AHNAK2: variants seen among roughly 807,000 people sequenced by gnomAD.
AHNAK2 encodes the protein AHNAK nucleoprotein 2.
A neutral mutation model predicts 30.7 loss-of-function variants in AHNAK2; 18 were observed. The observed-to-expected ratio is 0.59, with a 90% confidence interval of 0.41 to 0.87. AHNAK2 has a LOEUF of 0.87. Among genes scored for constraint, AHNAK2 ranks in the 40% least tolerant of loss-of-function variants. The pLI, the probability that AHNAK2 is intolerant of heterozygous loss-of-function variation, is 0.00. For synonymous variants in AHNAK2, 3,590 were observed against 3,073.8 expected (o/e 1.17, Z -5.56); for missense variants, 8,604 against 7,373.0 (o/e 1.17, Z -6.11).
rs558421208 is a variant in AHNAK2 at position 104,945,641 on chromosome 14, A to G, written c.9810T>C (p.Ser3270=). Residue 3270 remains serine (S), a synonymous_variant, in exon 7 of 7, where the codon TCT becomes TCC. Transcript: ENST00000333244. ...CGACGTCCACCTCCATGCTGGGCTG[A>G]GACACCTCCACGTCGGGGGCCGTCA... ...MDVTAPDVEV[S]QPSMEVDVEA... 6.4e-7 allele frequency: 1 copy of G among 1,570,468 alleles called. No individual in the cohort carries two copies. The highest frequency in any genetic ancestry group is 8.7e-7 in the Non-Finnish European group (1 of 1,150,272).
Position 104,949,937 on chromosome 14 carries a change from T to A in AHNAK2, c.5514A>T (p.Pro1838=), listed in dbSNP as rs370377836. The A allele has an allele frequency of 4.2e-5, 66 of 1,589,010 alleles. 4 individuals are homozygous for A. The highest frequency in any genetic ancestry group is 3.9e-4 in the African/African-American group (28 of 72,534). ...FKMPSFGVSA[P]GKSIEASVDV... ...CCACCGAGGCCTCGATGGACTTGCC[T>A]GGGGCAGACACCCCGAACGACGGCA... Residue 1838 remains proline, a synonymous_variant, in exon 7 of 7, where the codon CCA becomes CCT. Transcript: ENST00000333244.
At position 104,940,269 on chromosome 14, in the gene AHNAK2, G is replaced by A. The variant is rs1897938220; in HGVS notation, c.15182C>T (p.Thr5061Ile). 1 of 1,613,546 alleles carries A rather than the reference G, an allele frequency of 6.2e-7. No individual in the cohort carries two copies. The highest frequency in any genetic ancestry group is 1.3e-5 in the African/African-American group (1 of 74,932). The stretch of plus-strand genomic sequence containing the variant: ...ACCACCGTCACTGCTGGCCTTTTCT[G>A]TGTCTTGAAAGCTACCCCCTGCTGT... ...SATAGGSFQD[T>I]EKASSDGGRG... Residue 5061 changes from threonine to isoleucine, a missense_variant, in exon 7 of 7, where the codon ACA (threonine) becomes ATA (isoleucine). Physicochemically the swap from Thr to Ile is moderately conservative, Grantham distance 89. Transcript: ENST00000333244. This position sits in a 1 kb window ranked among gnomAD's most constrained non-coding sequence, Gnocchi z 4.4.
At position 104,950,146 on chromosome 14, in the gene AHNAK2, C is replaced by A. The variant is rs191244201; in HGVS notation, c.5305G>T (p.Asp1769Tyr). The A allele has an allele frequency of 3.9e-4, 624 of 1,586,656 alleles. 73 individuals are homozygous for A. The highest frequency in any genetic ancestry group is 4.9e-4 in the Non-Finnish European group (571 of 1,163,030). ...ACCTCCGCCTTGGGGCCTTTCAGGT[C>A]CAGCTTGGGGCCCTTGACGTCCATC... ...PQMDVKGPKL[D>Y]LKGPKAEVMA... Residue 1769 changes from aspartate to tyrosine, a missense_variant, in exon 7 of 7, where the codon GAC becomes TAC. Asp to Tyr is a radical substitution (Grantham distance 160, BLOSUM62 -3). Transcript: ENST00000333244.
Position 104,949,545 on chromosome 14 carries a change from C to T in AHNAK2, c.5906G>A (p.Arg1969Gln), listed in dbSNP as rs200046026. The T allele has an allele frequency of 1.7e-4, 270 of 1,586,396 alleles. 37 individuals are homozygous for T. In the Admixed American group the frequency reaches 2.9e-3, roughly 17 times the overall value. ...QAQKAKLDGA[R>Q]LEGDLSLADK... Reference sequence around the variant, plus strand: ...GGCCAGGGACAGGTCTCCCTCCAGCCGCGCACCATCCAGCTTAGCCTTCTG... The same window carrying T: ...GGCCAGGGACAGGTCTCCCTCCAGCTGCGCACCATCCAGCTTAGCCTTCTG... Residue 1969 changes from arginine to glutamine, a missense_variant, in exon 7 of 7, where the codon CGG becomes CAG. Transcript: ENST00000333244.
In AHNAK2 at chr14:104,950,235, C is replaced by T. The variant is rs1340907996; in HGVS notation, c.5216G>A (p.Gly1739Glu). 14 of 1,585,370 alleles carry T rather than the reference C, an allele frequency of 8.8e-6. 2 individuals are homozygous for T. Among genetic ancestry groups the T allele is most frequent in the African/African-American group, 5.6e-5 (4 of 71,742 alleles). ...GPLPEGAGFKGHLPKVQMPSL... is the reference protein window; with the variant it reads ...GPLPEGAGFKEHLPKVQMPSL... ...GGGCATCTGCACCTTGGGGAGGTGCCCTTTGAAGCCGGCTCCCTCGGGAAG... is the reference window on the plus strand; with the variant it reads ...GGGCATCTGCACCTTGGGGAGGTGCTCTTTGAAGCCGGCTCCCTCGGGAAG... The change falls in exon 7 of 7, where the codon GGG becomes GAG. Residue 1739 changes from glycine (G) to glutamate (E), a missense_variant. Gly to Glu is a moderately conservative substitution (Grantham distance 98). Transcript: ENST00000333244.
At chr14:104,970,621 A>T in intron 1 of AHNAK2, 1 of 686,386 alleles carries the variant, frequency 1.5e-6, no homozygotes, top group Non-Finnish European at 1.8e-6. Flanking sequence ...CCCACATCCC[A>T]CCAGAGGGAG....
intron 1 of AHNAK2, among the ~76,000 whole-genome samples, chr14:104,964,777 C>T (rs1261213194): frequency 6.6e-6 from 1 of 152,256 alleles, no homozygotes; most frequent in Non-Finnish European, 1.5e-5. Context: ...CCAGGGGGAG[C>T]AGGCAGACAG....
Position 104,937,710 on chromosome 14 carries a change from G to T in AHNAK2, c.*353C>A, listed in dbSNP as rs1195058838. On this transcript the variant is annotated 3_prime_UTR_variant, in exon 7 of 7. Transcript: ENST00000333244. The stretch of plus-strand genomic sequence containing the variant: ...CAGACATTATAACCCTTTCCTCAAA[G>T]AAACAGTCATGTTCTGTTGGGTATT... 8.7e-6 allele frequency: 2 copies of T among 229,804 alleles called. No individual in the cohort carries two copies. The highest frequency in any genetic ancestry group is 5.1e-5 in the Admixed American group (1 of 19,710). 14.2% of individuals were successfully genotyped at this position (229,804 alleles called of 1,614,324 possible).
rs772629758 is a variant in AHNAK2, at chr14:104,944,790, C to A, written c.10661G>T (p.Gly3554Val). ...GPVPEGAGLKGHLPKVEMPSL... is the reference protein window; with the variant it reads ...GPVPEGAGLKVHLPKVEMPSL... Reference sequence around the variant, plus strand: ...GGGCATCTCCACTTTGGGCAGGTGCCCTTTGAGGCCGGCTCCCTCGGGCAC... The same window carrying A: ...GGGCATCTCCACTTTGGGCAGGTGCACTTTGAGGCCGGCTCCCTCGGGCAC... Residue 3554 changes from glycine to valine, a missense_variant, in exon 7 of 7, where the codon GGG becomes GTG. Transcript: ENST00000333244. 9.3e-6 allele frequency: 15 copies of A among 1,610,186 alleles called. No homozygotes were observed. In the African/African-American group the frequency reaches 1.4e-4, roughly 15 times the overall value.
chr14:104,960,023 A>T (rs1899091145), intron 1 of AHNAK2, among the ~76,000 whole-genome samples: 1 of 152,242 alleles, frequency 6.6e-6, no homozygotes, highest in Non-Finnish European at 1.5e-5. Flanking sequence ...AAGCAGCTAT[A>T]GATTATAGAT....
At chr14:104,976,344 G>A (rs775699577) in intron 1 of AHNAK2, among the ~76,000 whole-genome samples, 1 of 152,212 alleles carries the variant, frequency 6.6e-6, no homozygotes, top group Non-Finnish European at 1.5e-5. Flanking sequence ...CTGGTGCCTG[G>A]TGTGTCGGGC....
rs1898428556 is a variant in AHNAK2, at chr14:104,948,385, A to T, written c.7066T>A (p.Ser2356Thr). 1.2e-6 allele frequency: 2 copies of T among 1,612,220 alleles called. No homozygotes were observed. Among genetic ancestry groups the T allele is most frequent in the East Asian group, 4.5e-5 (2 of 44,694 alleles). Residue 2356 changes from serine to threonine, a missense_variant, in exon 7 of 7, where the codon TCC becomes ACC. Coordinates refer to ENST00000333244, the MANE Select transcript of AHNAK2 (RefSeq NM_138420.4). ...LKVEADVSLP[S>T]MQGDLKTTDL... ...GTGGTCTTGAGGTCCCCCTGCATGGAGGGGAGGCTCACGTCGGCCTCCACC... is the reference window on the plus strand; with the variant it reads ...GTGGTCTTGAGGTCCCCCTGCATGGTGGGGAGGCTCACGTCGGCCTCCACC...
Position 104,941,185 on chromosome 14 carries a change from A to T in AHNAK2, c.14266T>A (p.Ser4756Thr). Reference sequence around the variant, plus strand: ...AAACCCACCTTAGGCATCTGCATGGATGGCTCTGAACAAGCCGAAACCTGT... The same window carrying T: ...AAACCCACCTTAGGCATCTGCATGGTTGGCTCTGAACAAGCCGAAACCTGT... ...LQQVSACSEP[S>T]MQMPKVGFAG... Residue 4756 changes from serine to threonine, a missense_variant, in exon 7 of 7, where the codon TCC becomes ACC. Transcript: ENST00000333244. 6.2e-7 allele frequency: 1 copy of T among 1,613,644 alleles called. No individual in the cohort carries two copies. The highest frequency in any genetic ancestry group is 2.2e-5 in the East Asian group (1 of 44,882).
At position 104,951,549 on chromosome 14, in the gene AHNAK2, G is replaced by A. The variant is rs548245770; in HGVS notation, c.3902C>T (p.Pro1301Leu). Residue 1301 changes from proline to leucine, a missense_variant, in exon 7 of 7, where the codon CCG becomes CTG. Coordinates refer to ENST00000333244, the MANE Select transcript of AHNAK2 (RefSeq NM_138420.4). The stretch of plus-strand genomic sequence containing the variant: ...CTGTGCGCCATCCAACTTGGCTCCC[G>A]GGGCCTGCATGTCCACCTCCACACT... Reference protein sequence around the residue: ...LPSVEVDMQAPGAKLDGAQLD... With the variant: ...LPSVEVDMQALGAKLDGAQLD... 20 of 1,247,918 alleles carry A rather than the reference G, an allele frequency of 1.6e-5. 6 individuals carry two copies. Among genetic ancestry groups the A allele is most frequent in the South Asian group, 1.1e-4 (8 of 70,086 alleles). The allele number at this position is 1,247,918 out of a possible 1,614,324, so 77.3% of individuals were successfully genotyped here.
chr14:104,976,290 C>A (rs550476790), intron 1 of AHNAK2, among the ~76,000 whole-genome samples: 28 of 152,306 alleles, frequency 1.8e-4, no homozygotes, highest in African/African-American at 5.3e-4. Flanking sequence ...CACCAGGGGG[C>A]AGCCTCGGCA....
intron 1 of AHNAK2, among the ~76,000 whole-genome samples, chr14:104,967,523 G>A (rs979953845): frequency 7.7e-4 from 117 of 152,336 alleles, no homozygotes; most frequent in African/African-American, 2.7e-3. Flanking sequence ...AGGAGGAGAC[G>A]TGACCAGCCC....
chr14:104,939,847 G>A lies in AHNAK2; in HGVS notation c.15604C>T (p.Arg5202Cys), dbSNP rs1185284145. ...GCCCCGCCTCTGTCCCTGAAAGAGC[G>A]CCTAAGGCTGGGCATGCGGAACTTG... ...MPKFRMPSLR[R>C]SFRDRGGAGK... The change falls in exon 7 of 7, where the codon CGC (arginine) becomes TGC (cysteine). Residue 5202 changes from arginine (R) to cysteine (C), a missense_variant. By Grantham distance (180) the Arg-to-Cys change is radical. Transcript: ENST00000333244. 8.1e-6 allele frequency: 13 copies of A among 1,613,716 alleles called. No homozygotes were observed. Among genetic ancestry groups the A allele is most frequent in the East Asian group, 4.5e-5 (2 of 44,906 alleles).
Position 104,940,496 on chromosome 14 carries a change from T to G in AHNAK2, c.14955A>C (p.Lys4985Asn), listed in dbSNP as rs895746274. The G allele has an allele frequency of 6.2e-7, 1 of 1,613,682 alleles. No homozygotes were observed. Among genetic ancestry groups the G allele is most frequent in the Non-Finnish European group, 8.5e-7 (1 of 1,179,858 alleles). The change falls in exon 7 of 7, where the codon AAA becomes AAC. Residue 4985 changes from lysine to asparagine, a missense_variant. Coordinates refer to ENST00000333244, the MANE Select transcript of AHNAK2 (RefSeq NM_138420.4). This position sits in a 1 kb window ranked among gnomAD's most constrained non-coding sequence, Gnocchi z 4.4. ...VDPECSVEDS[K>N]LSLVLDKDEV... is the part of the protein sequence containing the mutation. ...CATCCTTGTCTAAAACCAGGCTGAG[T>G]TTTGAGTCCTCCACGCTGCATTCTG... is the stretch of plus-strand genomic sequence containing the variant.
rs368420102 is a variant in AHNAK2, at chr14:104,944,306, G to A, written c.11145C>T (p.Ala3715=). ...CCTTGGGCAGGTGCTCTTTGAGGCC[G>A]GCTCCCTCGGGCACCTGGCCCTCCG... The part of the protein sequence containing the change: ...KLPEGQVPEG[A]GLKEHLPKVE... The change falls in exon 7 of 7, where the codon GCC becomes GCT. Residue 3715 remains alanine, a synonymous_variant. Coordinates refer to ENST00000333244, the MANE Select transcript of AHNAK2 (RefSeq NM_138420.4). 31 of 1,612,836 alleles carry A rather than the reference G, an allele frequency of 1.9e-5. No homozygotes were observed. The highest frequency in any genetic ancestry group is 1.7e-4 in the Middle Eastern group (1 of 6,050).
Sources: gnomAD v4.1 joint callset for allele counts (sites outside exome capture counted in the v4.1 genomes callset) on GRCh38, gnomAD v4.1.1 for gene constraint, Gnocchi (gnomAD v3.1) non-coding constraint, MANE v1.5 for transcripts, NCBI Gene and HGNC (gene_info 2026-07-23, HGNC 2026-07-21) for gene names.